CYP2E1: variants seen among roughly 807,000 people sequenced by gnomAD.
CYP2E1 encodes the protein cytochrome P450 family 2 subfamily E member 1.
CYP2E1 carries 31 observed loss-of-function variants against 42.9 expected under a neutral mutation model. The ratio of observed to expected loss-of-function variants is 0.72; its 90% CI spans 0.54 to 0.98. The LOEUF (loss-of-function observed/expected upper bound fraction) is 0.98, where lower values mean the gene tolerates loss of function less well. Among genes scored for constraint, CYP2E1 ranks in the 50% least tolerant of loss-of-function variants. The probability of loss-of-function intolerance (pLI) is 0.00; values close to 1 mark genes in which losing one functional copy is unlikely to be tolerated. For synonymous variants in CYP2E1, 244 were observed against 248.9 expected (o/e 0.98, Z 0.19); for missense variants, 565 against 633.2 (o/e 0.89, Z 1.16).
chr10:133,528,436 C>T, intron 1 of CYP2E1, 45 bp from the exon 2 acceptor site: 2 of 1,605,870 alleles, frequency 1.2e-6, no homozygotes, highest in Non-Finnish European at 1.7e-6. Context: ...CCCCGCACCT[C>T]CTCGCCGCGC....
chr10:133,530,767 G>A (rs1055816537), intron 2 of CYP2E1, among the ~76,000 whole-genome samples: 1 of 152,180 alleles, frequency 6.6e-6, no homozygotes, highest in African/African-American at 2.4e-5. Context: ...GAGGGGCTAG[G>A]GGCCCCTGCG....
intron 5 of CYP2E1, 131 bp from the exon 6 acceptor site, chr10:133,533,625 A>G (rs1452598787): frequency 4.5e-5 from 47 of 1,048,274 alleles, no homozygotes; most frequent in East Asian, 1.5e-4. Flanking sequence ...TCACAGCTCC[A>G]AGTCACAGTT....
intron 5 of CYP2E1, 72 bp from the exon 6 acceptor site, chr10:133,533,684 G>A (rs1851364844): frequency 1.3e-6 from 2 of 1,546,216 alleles, no homozygotes; most frequent in Non-Finnish European, 1.8e-6. Flanking sequence ...CTGTGGAGCT[G>A]GGAGGTGGCT....
In CYP2E1 at chr10:133,532,841, C is replaced by T. The variant is rs1050044393; in HGVS notation, c.798C>T (p.Thr266=). 5 of 1,607,996 alleles carry T rather than the reference C, an allele frequency of 3.1e-6. No homozygotes were observed. The highest frequency in any genetic ancestry group is 1.7e-5 in the Admixed American group (1 of 58,754). Reference sequence around the variant, plus strand: ...ACCCCAACTGTCCCCGGGACCTCACCGACTGCCTGCTCGTGGAAATGGAGA... The same window carrying T: ...ACCCCAACTGTCCCCGGGACCTCACTGACTGCCTGCTCGTGGAAATGGAGA... ...SLDPNCPRDL[T]DCLLVEMEKE... is the part of the protein sequence containing the mutation. Residue 266 remains threonine (T), a synonymous_variant, in exon 5 of 9, where the codon ACC becomes ACT. Transcript: ENST00000252945.
chr10:133,529,357 C>T (rs1056827875), intron 2 of CYP2E1, among the ~76,000 whole-genome samples: 5 of 152,204 alleles, frequency 3.3e-5, no homozygotes, highest in Non-Finnish European at 7.3e-5. Context: ...CGGCGGCTGC[C>T]GGCCGGCTCT....
chr10:133,529,358 G>T (rs558388519), intron 2 of CYP2E1, among the ~76,000 whole-genome samples: 1 of 152,170 alleles, frequency 6.6e-6, no homozygotes. Flanking sequence ...GGCGGCTGCC[G>T]GCCGGCTCTC....
chr10:133,533,633 G>A (rs1851364302), intron 5 of CYP2E1, 123 bp from the exon 6 acceptor site: 2 of 1,129,562 alleles, frequency 1.8e-6, no homozygotes, highest in Non-Finnish European at 1.3e-6. Flanking sequence ...CCAAGTCACA[G>A]TTCCACTGGG....
At chr10:133,536,670 T>G in intron 6 of CYP2E1, among the ~76,000 whole-genome samples, 3 of 99,894 alleles carry the variant, frequency 3.0e-5, no homozygotes, top group Admixed American at 1.0e-4. Flanking sequence ...GATAGGAGGG[T>G]GGATAAATGG....
Position 133,527,501 on chromosome 10 carries a change from C to G in CYP2E1, c.106C>G (p.Pro36Ala), listed in dbSNP as rs747825060. 14 of 1,613,634 alleles carry G rather than the reference C, an allele frequency of 8.7e-6. No homozygotes were observed. In the South Asian group the frequency reaches 1.2e-4, roughly 14 times the overall value. ...CAGCAGCTGGAATCTGCCCCCAGGC[C>G]CTTTCCCGCTTCCCATCATCGGGAA... ...VHSSWNLPPGPFPLPIIGNLF... is the reference protein window; with the variant it reads ...VHSSWNLPPGAFPLPIIGNLF... Residue 36 changes from proline (P) to alanine (A), a missense_variant, in exon 1 of 9, where the codon CCT (proline) becomes GCT (alanine). Physicochemically the swap from Pro to Ala is conservative, Grantham distance 27. Transcript: ENST00000252945.
intron 2 of CYP2E1, among the ~76,000 whole-genome samples, chr10:133,528,866 G>A (rs1211096995): frequency 6.6e-6 from 1 of 152,260 alleles, no homozygotes. Context: ...CTGTGCGGGA[G>A]AGTTTATGGG....
chr10:133,538,953 C>T lies in CYP2E1; in HGVS notation c.1471C>T (p.Pro491Ser). 1 of 1,612,298 alleles carries T rather than the reference C, an allele frequency of 6.2e-7. No individual in the cohort carries two copies. Among genetic ancestry groups the T allele is most frequent in the Non-Finnish European group, 8.5e-7 (1 of 1,178,984 alleles). ...IPPRYKLCVIPRS is the reference protein window; with the variant it reads ...IPPRYKLCVISRS ...ACCACGTTACAAACTCTGTGTCATTCCCCGCTCATGAGTGTGTGGAGGACA... is the reference window on the plus strand; with the variant it reads ...ACCACGTTACAAACTCTGTGTCATTTCCCGCTCATGAGTGTGTGGAGGACA... The change falls in exon 9 of 9, where the codon CCC (proline) becomes TCC (serine). Residue 491 changes from proline (P) to serine (S), a missense_variant. Physicochemically the swap from Pro to Ser is moderately conservative, Grantham distance 74. Coordinates refer to ENST00000252945, the MANE Select transcript of CYP2E1 (RefSeq NM_000773.4).
chr10:133,533,861 G>A lies in CYP2E1; in HGVS notation c.931G>A (p.Gly311Arg), dbSNP rs867501702. Residue 311 changes from glycine (G) to arginine (R), a missense_variant, in exon 6 of 9, where the codon GGG (glycine) becomes AGG (arginine). By Grantham distance (125) the Gly-to-Arg change is moderately radical. Coordinates refer to ENST00000252945, the MANE Select transcript of CYP2E1 (RefSeq NM_000773.4). ...TETTSTTLRY[G>R]LLILMKYPEI... ...GACCACCAGCACAACTCTGAGATAT[G>A]GGCTCCTGATTCTCATGAAATACCC... 1 of 1,614,106 alleles carries A rather than the reference G, an allele frequency of 6.2e-7. No homozygotes were observed. Among genetic ancestry groups the A allele is most frequent in the Non-Finnish European group, 8.5e-7 (1 of 1,179,994 alleles).
rs1264055833 is a variant in CYP2E1 at position 133,533,825 on chromosome 10, G to T, written c.895G>T (p.Ala299Ser). The change falls in exon 6 of 9, where the codon GCG (alanine) becomes TCG (serine). Residue 299 changes from alanine to serine, a missense_variant. Coordinates refer to ENST00000252945, the MANE Select transcript of CYP2E1 (RefSeq NM_000773.4). ...ITVTVADLFF[A>S]GTETTSTTLR... ...CGTGACTGTGGCCGACCTGTTCTTT[G>T]CGGGGACAGAGACCACCAGCACAAC... is the stretch of plus-strand genomic sequence containing the variant. 1.2e-6 allele frequency: 2 copies of T among 1,614,172 alleles called. No individual in the cohort carries two copies. Among genetic ancestry groups the T allele is most frequent in the South Asian group, 2.2e-5 (2 of 91,076 alleles).
chr10:133,531,529 C>G (rs1851335828), intron 2 of CYP2E1, 56 bp from the exon 3 acceptor site: 1 of 1,600,308 alleles, frequency 6.2e-7, no homozygotes, highest in South Asian at 1.1e-5. Flanking sequence ...CTCTGTAGCC[C>G]ATTTCTCCCC....
At chr10:133,527,943 T>C in intron 1 of CYP2E1, 1 of 262,938 alleles carries the variant, frequency 3.8e-6, no homozygotes, top group Non-Finnish European at 7.3e-6. Flanking sequence ...CCAGCCCGTG[T>C]GGCACCAATA....
chr10:133,533,696 G>A, intron 5 of CYP2E1, 60 bp from the exon 6 acceptor site: 1 of 1,592,516 alleles, frequency 6.3e-7, no homozygotes, highest in Non-Finnish European at 8.6e-7. Flanking sequence ...GAGGTGGCTG[G>A]TTCTGTGCTG....
rs147231292 is a variant in CYP2E1 at position 133,531,509 on chromosome 10, C to T, written c.338-76C>T. The T allele has an allele frequency of 3.9e-6, 6 of 1,542,694 alleles. No homozygotes were observed. In the African/African-American group the frequency reaches 5.4e-5, roughly 14 times the overall value. ...ATACACCTGTAAATCCTGCCCTGCT[C>T]TCCAAGGCCCTCTGTAGCCCATTTC... On this transcript the variant is annotated intron_variant, in intron 2 of 8. Coordinates refer to ENST00000252945, the MANE Select transcript of CYP2E1 (RefSeq NM_000773.4).
intron 1 of CYP2E1, chr10:133,528,232 C>T (rs572362498): frequency 3.8e-4 from 162 of 421,166 alleles, no homozygotes; most frequent in Non-Finnish European, 6.0e-4. Context: ...GCGGAGTTGC[C>T]GCGGAGTTGT....
chr10:133,532,176 AG>A lies in CYP2E1; in HGVS notation c.541del (p.Ala181ProfsTer17). ...TCGGCTGCGCGCCCTGCAACGTCAT[AG>A]CCGACATCCTCTTCCGCAAGCATTT... ...LIGCAPCNVI[A>X]DILFRKHFDY... On this transcript the variant is annotated frameshift_variant, in exon 4 of 9. Transcript: ENST00000252945. LOFTEE classifies it high-confidence loss of function. The A allele has an allele frequency of 6.2e-7, 1 of 1,614,020 alleles. No individual in the cohort carries two copies. The highest frequency in any genetic ancestry group is 2.2e-5 in the East Asian group (1 of 44,874).
Sources: gnomAD v4.1 joint callset for allele counts (sites outside exome capture counted in the v4.1 genomes callset) on GRCh38, gnomAD v4.1.1 for gene constraint, MANE v1.5 for transcripts, NCBI Gene and HGNC (gene_info 2026-07-23, HGNC 2026-07-21) for gene names.